The following XRN1 variants were observed in gnomAD, a reference collection of about 807,000 sequenced individuals.
The protein encoded by XRN1 is strand-exchange protein 1 homolog.
A neutral mutation model predicts 222.3 loss-of-function variants in XRN1; 67 were observed. That is an observed-to-expected ratio of 0.30 (90% CI 0.25 to 0.37). The LOEUF (loss-of-function observed/expected upper bound fraction) is 0.37, where lower values mean the gene tolerates loss of function less well. Ranked by LOEUF, XRN1 falls within the 10% of genes least tolerant of loss-of-function variation. The pLI, the probability that XRN1 is intolerant of heterozygous loss-of-function variation, is 1.00. For missense variants in XRN1, 1,707 were observed against 2,000.2 expected (o/e 0.85, Z 2.80); for synonymous variants, 643 against 652.4 (o/e 0.99, Z 0.22).
chr3:142,323,195 G>A (rs891144729), intron 37 of XRN1, among the ~76,000 whole-genome samples: 2 of 151,820 alleles, frequency 1.3e-5, no homozygotes, highest in Non-Finnish European at 2.9e-5. Flanking sequence ...AGTATATGGA[G>A]GACAAAAATG....
chr3:142,398,558 A>C (rs1459335742), intron 19 of XRN1, among the ~76,000 whole-genome samples: 1 of 152,058 alleles, frequency 6.6e-6, no homozygotes, highest in Non-Finnish European at 1.5e-5. Flanking sequence ...GTAGAGACAG[A>C]GTCTCACTAT....
intron 2 of XRN1, among the ~76,000 whole-genome samples, chr3:142,430,910 C>T (rs141480137): frequency 2.2e-4 from 33 of 152,266 alleles, no homozygotes; most frequent in Middle Eastern, 3.4e-3. Context: ...CTTCTCCTAC[C>T]GCCTAAGTCA....
chr3:142,427,708 G>A (rs1012916206), intron 2 of XRN1, among the ~76,000 whole-genome samples: 2 of 152,172 alleles, frequency 1.3e-5, no homozygotes, highest in Non-Finnish European at 2.9e-5. Context: ...GAATTTACTA[G>A]AAAGAACCTG....
intron 23 of XRN1, 106 bp from the exon 24 acceptor site, chr3:142,376,700 T>C: frequency 7.5e-6 from 6 of 802,712 alleles, no homozygotes; most frequent in Non-Finnish European, 1.2e-5. Context: ...CACTAACCAT[T>C]GGATTGTGGC....
chr3:142,388,413 A>G (rs982012373), intron 20 of XRN1, among the ~76,000 whole-genome samples: 1 of 152,218 alleles, frequency 6.6e-6, no homozygotes, highest in Non-Finnish European at 1.5e-5. Flanking sequence ...GTAGGCTTTT[A>G]GCAGTTAAGT....
intron 33 of XRN1, among the ~76,000 whole-genome samples, chr3:142,340,925 G>C (rs955583135): frequency 6.6e-6 from 1 of 152,098 alleles, no homozygotes; most frequent in African/African-American, 2.4e-5. Flanking sequence ...ATGCTAAAGG[G>C]AGTACTTTAT....
intron 27 of XRN1, among the ~76,000 whole-genome samples, chr3:142,366,990 A>T (rs2066833689): frequency 6.6e-6 from 1 of 152,204 alleles, no homozygotes; most frequent in African/African-American, 2.4e-5. Flanking sequence ...AGAGCTTATT[A>T]GAAATGCAGA....
At chr3:142,370,882 A>C (rs1017964062) in intron 26 of XRN1, among the ~76,000 whole-genome samples, 4 of 152,092 alleles carry the variant, frequency 2.6e-5, no homozygotes, top group Non-Finnish European at 4.4e-5. Flanking sequence ...AAAAAAACAA[A>C]ACAAAACAAA....
At chr3:142,409,766 G>A (rs1224639601) in intron 15 of XRN1, among the ~76,000 whole-genome samples, 1 of 152,164 alleles carries the variant, frequency 6.6e-6, no homozygotes, top group African/African-American at 2.4e-5. Flanking sequence ...ACAATATTAA[G>A]TCTTCATATC....
At chr3:142,363,722 G>A (rs960194637) in intron 29 of XRN1, among the ~76,000 whole-genome samples, 2 of 151,982 alleles carry the variant, frequency 1.3e-5, no homozygotes, top group African/African-American at 4.8e-5. Context: ...AAATCAGGTA[G>A]GGTAAATTCT....
intron 40 of XRN1, 104 bp downstream of exon 40, chr3:142,312,494 G>A: frequency 1.7e-6 from 2 of 1,200,554 alleles, no homozygotes; most frequent in Non-Finnish European, 2.2e-6. Context: ...CACTAGTACT[G>A]AACTTCTAGT....
chr3:142,386,852 A>C (rs1278858386), intron 20 of XRN1, among the ~76,000 whole-genome samples: 1 of 152,204 alleles, frequency 6.6e-6, no homozygotes, highest in Non-Finnish European at 1.5e-5. Flanking sequence ...ATGAAAACAG[A>C]AATCAACATA....
At chr3:142,412,440 T>G (rs975024272) in intron 15 of XRN1, 104 bp downstream of exon 15, 2 of 1,356,064 alleles carry the variant, frequency 1.5e-6, no homozygotes, top group Non-Finnish European at 1.9e-6. Context: ...TAAATCTCAT[T>G]AACAAAACAT....
intron 2 of XRN1, among the ~76,000 whole-genome samples, chr3:142,429,267 C>T (rs2069410910): frequency 6.6e-6 from 1 of 151,740 alleles, no homozygotes. Flanking sequence ...CTGCCTCACC[C>T]TCCCGAGTAG....
intron 2 of XRN1, 41 bp from the exon 3 acceptor site, chr3:142,426,882 AAAAAGTG>A (rs773519984): frequency 6.4e-7 from 1 of 1,551,614 alleles, no homozygotes; most frequent in Non-Finnish European, 8.8e-7. Flanking sequence ...GTTTTCTGAA[AAAAAGTG>A]AAGATCTTTA....
Position 142,307,326 on chromosome 3 carries a change from A to G in XRN1, c.*4185T>C, listed in dbSNP as rs181694047. 2 of 152,226 alleles carry G rather than the reference A, an allele frequency of 1.3e-5. No individual in the cohort carries two copies. The highest frequency in any genetic ancestry group is 1.3e-4 in the Admixed American group (2 of 15,284). 9.4% of individuals were successfully genotyped at this position (152,226 alleles called of 1,614,324 possible). On this transcript the variant is annotated 3_prime_UTR_variant, in exon 41 of 41. Transcript: ENST00000392981. The stretch of plus-strand genomic sequence containing the variant: ...GGCCTGGACAATTTAATAGTATACC[A>G]ACTGCTGAAACAACCAAGTGCAGTT...
At chr3:142,379,956 G>C (rs111744251) in intron 23 of XRN1, 126 bp downstream of exon 23, 1 of 716,512 alleles carries the variant, frequency 1.4e-6, no homozygotes, top group African/African-American at 1.8e-5. Flanking sequence ...AGATGCAACT[G>C]GGAGAGAGAA....
chr3:142,389,612 C>G (rs2067641356), intron 20 of XRN1, among the ~76,000 whole-genome samples: 1 of 152,112 alleles, frequency 6.6e-6, no homozygotes, highest in Non-Finnish European at 1.5e-5. Flanking sequence ...CTCTGCCTCC[C>G]AGGTTCAAGC....
intron 1 of XRN1, among the ~76,000 whole-genome samples, chr3:142,443,277 C>A (rs1182036911): frequency 3.9e-5 from 6 of 152,286 alleles, no homozygotes; most frequent in African/African-American, 7.2e-5. Flanking sequence ...TTAGAGCAGT[C>A]ATCGGCCAAC....
Sources: gnomAD v4.1 joint callset for allele counts (sites outside exome capture counted in the v4.1 genomes callset) on GRCh38, gnomAD v4.1.1 for gene constraint, MANE v1.5 for transcripts, NCBI Gene and HGNC (gene_info 2026-07-23, HGNC 2026-07-21) for gene names.